The following FOXP2 variants were observed in gnomAD, a reference collection of about 807,000 sequenced individuals.
The protein encoded by FOXP2 is forkhead box P2.
FOXP2 carries 12 observed loss-of-function variants against 115.8 expected under a neutral mutation model. The observed-to-expected ratio is 0.10, with a 90% CI of 0.07 to 0.17. The LOEUF is 0.17. FOXP2 is among the 10% of genes least tolerant of loss of function. The pLI, the probability that FOXP2 is intolerant of heterozygous loss-of-function variation, is 1.00. For missense variants in FOXP2, 629 were observed against 843.5 expected (o/e 0.75, Z 3.15); for synonymous variants, 328 against 297.7 (o/e 1.10, Z -1.05).
chr7:114,110,596 TGTG>T (rs1213172284), intron 1 of FOXP2, among the ~76,000 whole-genome samples: 2 of 152,152 alleles, frequency 1.3e-5, no homozygotes, highest in Non-Finnish European at 2.9e-5. Context: ...TTGGGGTACT[TGTG>T]GTGTGGAAAC....
At chr7:114,230,612 G>A (rs565303709) in intron 1 of FOXP2, among the ~76,000 whole-genome samples, 29 of 152,032 alleles carry the variant, frequency 1.9e-4, no homozygotes, top group Non-Finnish European at 3.2e-4. Context: ...CAGATTGAAA[G>A]ATAAAAATCA....
chr7:114,197,218 A>G (rs1391519958), intron 1 of FOXP2, among the ~76,000 whole-genome samples: 1 of 152,200 alleles, frequency 6.6e-6, no homozygotes, highest in Non-Finnish European at 1.5e-5. Flanking sequence ...AAAACAAAAA[A>G]CAAAAAAGAC....
chr7:114,262,477 C>T lies in FOXP2; in HGVS notation c.-101-25542C>T, dbSNP rs541017362. 1.6e-4 allele frequency among the ~76,000 whole-genome samples: 25 copies of T among 152,192 alleles called. No individual in the cohort carries two copies. In the South Asian group the frequency reaches 4.6e-3, roughly 28 times the overall value. ...ATTCATACCCTAAACCTCAGCATCACTCAGTATACCCAGGTAACAAACCTG... is the reference window on the plus strand; with the variant it reads ...ATTCATACCCTAAACCTCAGCATCATTCAGTATACCCAGGTAACAAACCTG... On this transcript the variant is annotated intron_variant, in intron 1 of 17. Coordinates refer to the FOXP2 transcript ENST00000634411.
intron 2 of FOXP2, among the ~76,000 whole-genome samples, chr7:114,451,533 G>A (rs1795073062): frequency 6.6e-6 from 1 of 151,984 alleles, no homozygotes; most frequent in Non-Finnish European, 1.5e-5. Context: ...GTCCTTATCA[G>A]AAAGAAAGTA....
At chr7:114,323,591 A>T (rs756643618) in intron 2 of FOXP2, among the ~76,000 whole-genome samples, 8 of 151,986 alleles carry the variant, frequency 5.3e-5, no homozygotes, top group Non-Finnish European at 8.8e-5. Flanking sequence ...TTGGAAAAGG[A>T]GATACTTTCC....
At chr7:114,097,434 A>G (rs1362820132) in intron 1 of FOXP2, among the ~76,000 whole-genome samples, 2 of 152,120 alleles carry the variant, frequency 1.3e-5, no homozygotes, top group Admixed American at 6.5e-5. Context: ...TGCATTTGAG[A>G]TTAATTTATA....
rs142618671 is a variant in FOXP2, at chr7:114,311,801, C to A, written c.-11+23692C>A. On this transcript the variant is annotated intron_variant, in intron 2 of 17. Transcript: ENST00000634411. ...AAATTCTTTATTACTCTACATTTCA[C>A]TTTTAATTGTTAACCTTTTGCAATG... 6.2e-3 allele frequency among the ~76,000 whole-genome samples: 950 copies of A among 152,270 alleles called. 9 individuals are homozygous for A. Among genetic ancestry groups the A allele is most frequent in the African/African-American group, 0.02 (824 of 41,534 alleles).
intron 1 of FOXP2, among the ~76,000 whole-genome samples, chr7:114,166,688 G>A (rs1051001822): frequency 5.3e-5 from 8 of 152,174 alleles, no homozygotes; most frequent in Admixed American, 4.6e-4. Context: ...CTGGGTGACA[G>A]AGTGAGACTT....
At chr7:114,214,368 A>C (rs936615138) in intron 1 of FOXP2, among the ~76,000 whole-genome samples, 1 of 152,204 alleles carries the variant, frequency 6.6e-6, no homozygotes, top group Non-Finnish European at 1.5e-5. Context: ...AGTAGAATTT[A>C]CAAGACTTTT....
In FOXP2 at chr7:114,113,097, T is replaced by G. The variant is rs562128632; in HGVS notation, c.-247+25259T>G. Among the ~76,000 whole-genome samples the G allele has an allele frequency of 1.1e-4, 16 of 152,258 alleles. No homozygotes were observed. In the South Asian group the frequency reaches 3.1e-3, roughly 30 times the overall value. On this transcript the variant is annotated intron_variant, in intron 1 of 19. Coordinates refer to the FOXP2 transcript ENST00000635638. ...AAGAGATTGCTGTAAGAACAAGAATTAACACTTTAGAAGACAAAATGATTT... is the reference window on the plus strand; with the variant it reads ...AAGAGATTGCTGTAAGAACAAGAATGAACACTTTAGAAGACAAAATGATTT...
chr7:114,093,590 A>G (rs1584474538), intron 1 of FOXP2, among the ~76,000 whole-genome samples: 8 of 151,954 alleles, frequency 5.3e-5, no homozygotes, highest in Middle Eastern at 3.5e-3. Context: ...AGTTACTTCC[A>G]TCTATATCAT....
chr7:114,400,435 G>T (rs1210941461), intron 2 of FOXP2, among the ~76,000 whole-genome samples: 1 of 151,954 alleles, frequency 6.6e-6, no homozygotes, highest in African/African-American at 2.4e-5. Context: ...TTTCCTAATT[G>T]TAAAAGCAAT....
At chr7:114,677,341 A>G (rs971827410) in intron 16 of FOXP2, among the ~76,000 whole-genome samples, 14 of 152,182 alleles carry the variant, frequency 9.2e-5, no homozygotes, top group African/African-American at 3.4e-4. Context: ...AACAGTTGCT[A>G]GTATCTAAAT....
intron 1 of FOXP2, among the ~76,000 whole-genome samples, chr7:114,425,465 T>C (rs1206244008): frequency 6.6e-6 from 1 of 151,618 alleles, no homozygotes; most frequent in Non-Finnish European, 1.5e-5. Flanking sequence ...TGTGAAATTC[T>C]GGTTTGTAAG....
intron 1 of FOXP2, among the ~76,000 whole-genome samples, chr7:114,266,928 TTATAGTAGGTGATAAAAA>T (rs1795909382): frequency 6.6e-6 from 1 of 152,176 alleles, no homozygotes; most frequent in Non-Finnish European, 1.5e-5. Context: ...GCTTAATGTC[TTATAGTAGGTGATAAAAA>T]TGTAAACAAA....
rs559268628 is a variant in FOXP2 at position 114,521,308 on chromosome 7, G to A, written c.169-13309G>A. On this transcript the variant is annotated intron_variant, in intron 2 of 16. Transcript: ENST00000350908. Reference sequence around the variant, plus strand: ...CTGAATAACAAAATATCCATTATGTGTATATCCTTTTTCTAGACCCATGCT... The same window carrying A: ...CTGAATAACAAAATATCCATTATGTATATATCCTTTTTCTAGACCCATGCT... 2.6e-4 allele frequency among the ~76,000 whole-genome samples: 40 copies of A among 152,048 alleles called. 1 individual carries two copies. The highest frequency in any genetic ancestry group is 9.2e-4 in the African/African-American group (38 of 41,506).
chr7:114,573,648 TCACA>T (rs1347479576), intron 3 of FOXP2, among the ~76,000 whole-genome samples: 1 of 151,672 alleles, frequency 6.6e-6, no homozygotes, highest in Non-Finnish European at 1.5e-5. Flanking sequence ...TGATCAGCCT[TCACA>T]CACACACATA....
At position 114,689,269 on chromosome 7, in the gene FOXP2, A is replaced by G. The variant is rs1248762834; in HGVS notation, c.2004-513A>G. ...GCTTTAGCCCCAGTTTATTTTCTGA[A>G]ATTTGTTAGTATTTGTTTCAACAAA... On this transcript the variant is annotated intron_variant, in intron 16 of 16. Transcript: ENST00000350908. Among the ~76,000 whole-genome samples, 4 of 152,102 alleles carry G rather than the reference A, an allele frequency of 2.6e-5. No individual in the cohort carries two copies. The East Asian group carries it at 5.8e-4, about 22-fold the overall frequency.
intron 2 of FOXP2, among the ~76,000 whole-genome samples, chr7:114,529,874 C>T (rs565460007): frequency 1.4e-4 from 21 of 151,766 alleles, no homozygotes; most frequent in African/African-American, 3.4e-4. Flanking sequence ...AAACAGAATA[C>T]GAATTTATAT....
Sources: allele counts gnomAD v4.1 joint callset (sites outside exome capture counted in the v4.1 genomes callset), GRCh38; gene constraint gnomAD v4.1.1; transcripts MANE v1.5; gene names NCBI Gene and HGNC (gene_info 2026-07-23, HGNC 2026-07-21).